Variants in KIAA0586 observed in about 807,000 individuals in gnomAD.
The protein encoded by KIAA0586 is protein TALPID3.
In KIAA0586, 144 loss-of-function variants were observed where a neutral mutation model predicts 169.8. That is an observed-to-expected ratio of 0.85 (90% CI 0.74 to 0.97). KIAA0586 has a LOEUF of 0.97. KIAA0586 is among the 50% of genes least tolerant of loss of function. KIAA0586 has a pLI of 0.00. For missense variants in KIAA0586, 1,854 were observed against 1,823.0 expected (o/e 1.02, Z -0.31); for synonymous variants, 625 against 612.4 (o/e 1.02, Z -0.30).
rs764052303 is a variant in KIAA0586, at chr14:58,448,304, T to C, written c.808-36T>C. 34 of 1,267,198 alleles carry C rather than the reference T, an allele frequency of 2.7e-5. 1 individual carries two copies. The East Asian group carries it at 6.7e-4, about 25-fold the overall frequency. The allele number at this position is 1,267,198 out of a possible 1,614,324, so 78.5% of individuals were successfully genotyped here. ...TTTATCATCTAACTCTTTCAAATGA[T>C]ATTTGAAAATAATAAAATAATCTTA... On this transcript the variant is annotated intron_variant, in intron 6 of 30. Transcript: ENST00000652326.
At chr14:58,514,505 A>G (rs1284155399) in intron 29 of KIAA0586, among the ~76,000 whole-genome samples, 2 of 152,052 alleles carry the variant, frequency 1.3e-5, no homozygotes, top group Admixed American at 1.3e-4. Context: ...GTAGTTTAAT[A>G]TATGTCTATA....
intron 16 of KIAA0586, among the ~76,000 whole-genome samples, 163 bp downstream of exon 16, chr14:58,468,085 G>A (rs1399837453): frequency 6.6e-6 from 1 of 151,546 alleles, no homozygotes; most frequent in Non-Finnish European, 1.5e-5. Flanking sequence ...TGCTCTTGTC[G>A]CCCAGTCTGG....
chr14:58,489,536 T>C (rs1183111864), intron 24 of KIAA0586, among the ~76,000 whole-genome samples: 1 of 152,142 alleles, frequency 6.6e-6, no homozygotes, highest in African/African-American at 2.4e-5. Flanking sequence ...CTGAATTTTT[T>C]TTTTTACCAA....
At chr14:58,545,334 G>T (rs1018445300) in intron 30 of KIAA0586, among the ~76,000 whole-genome samples, 2 of 152,182 alleles carry the variant, frequency 1.3e-5, no homozygotes, top group Admixed American at 1.3e-4. Context: ...ACTTCTAGGA[G>T]ATCCCTCCAC....
rs1366019378 is a variant in KIAA0586, at chr14:58,492,293, T to A, written c.3990+18T>A. ...ATTCAGAGGTACTTTTTAACTTTAA[T>A]GACTTTTTTTTGGTTAGATCTAAAT... On this transcript the variant is annotated intron_variant, in intron 26 of 30. Coordinates refer to ENST00000652326, the MANE Select transcript of KIAA0586 (RefSeq NM_001329943.3). The A allele has an allele frequency of 2.0e-6, 3 of 1,533,814 alleles. No individual in the cohort carries two copies. Among genetic ancestry groups the A allele is most frequent in the East Asian group, 2.5e-5 (1 of 40,770 alleles).
intron 4 of KIAA0586, among the ~76,000 whole-genome samples, chr14:58,433,551 C>T (rs1411201306): frequency 6.6e-6 from 1 of 152,116 alleles, no homozygotes; most frequent in Non-Finnish European, 1.5e-5. Context: ...TATATACTTC[C>T]TGTGTAATAC....
At chr14:58,458,016 C>T in intron 11 of KIAA0586, 37 bp downstream of exon 11, 2 of 1,310,740 alleles carry the variant, frequency 1.5e-6, no homozygotes, top group Non-Finnish European at 2.1e-6. Flanking sequence ...ATTTATGAGT[C>T]TGTCAGTTCC....
At chr14:58,521,000 A>G (rs930067921) in intron 29 of KIAA0586, 3 of 293,702 alleles carry the variant, frequency 1.0e-5, no homozygotes, top group Non-Finnish European at 1.9e-5. Context: ...AAAACAAAGC[A>G]TCTGCTCTCC....
chr14:58,499,705 C>A (rs1395251974), intron 27 of KIAA0586, among the ~76,000 whole-genome samples: 1 of 151,898 alleles, frequency 6.6e-6, no homozygotes, highest in Admixed American at 6.6e-5. Context: ...ATTACAGGCG[C>A]CTGCCACCAT....
intron 4 of KIAA0586, chr14:58,439,927 C>A: frequency 3.5e-6 from 2 of 570,312 alleles, no homozygotes; most frequent in Non-Finnish European, 4.5e-6. Flanking sequence ...TTCTTTGAGG[C>A]CAAATACCGA....
intron 15 of KIAA0586, among the ~76,000 whole-genome samples, chr14:58,466,415 A>G (rs995117414): frequency 6.6e-6 from 1 of 152,120 alleles, no homozygotes; most frequent in African/African-American, 2.4e-5. Flanking sequence ...TTGGTATGTT[A>G]TATTATTGTA....
At chr14:58,479,684 GAGTTA>G (rs762889987) in intron 20 of KIAA0586, among the ~76,000 whole-genome samples, 1 of 152,112 alleles carries the variant, frequency 6.6e-6, no homozygotes, top group Non-Finnish European at 1.5e-5. Flanking sequence ...AGTATATTTT[GAGTTA>G]AGTTTTATGG....
In KIAA0586 at chr14:58,480,346, T is replaced by TA. The variant is rs35326005; in HGVS notation, c.2945-2149dup. On this transcript the variant is annotated intron_variant, in intron 20 of 30. Transcript: ENST00000652326. Reference sequence around the variant, plus strand: ...TTCATTCTGTTAATTCTTCCTCTTTTAAAAAAAAAAAAAAAAAACTTCTTT... The same window carrying TA: ...TTCATTCTGTTAATTCTTCCTCTTTTAAAAAAAAAAAAAAAAAAACTTCTTT... 3.5e-3 allele frequency among the ~76,000 whole-genome samples: 507 copies of TA among 146,304 alleles called. 5 individuals carry two copies. Among genetic ancestry groups the TA allele is most frequent in the African/African-American group, 0.012 (484 of 39,882 alleles).
intron 29 of KIAA0586, among the ~76,000 whole-genome samples, chr14:58,518,132 A>AGAG (rs777702632): frequency 1.3e-5 from 2 of 152,288 alleles, no homozygotes. Context: ...CATATTACTA[A>AGAG]GTTTATGACA....
At position 58,549,535 on chromosome 14, in the gene KIAA0586, A is replaced by G. The variant is rs2047152325; in HGVS notation, c.*1603A>G. 2.0e-5 allele frequency: 3 copies of G among 152,098 alleles called. No individual in the cohort carries two copies. The South Asian group carries it at 6.2e-4, about 32-fold the overall frequency. The allele number at this position is 152,098 out of a possible 1,614,324, so 9.4% of individuals were successfully genotyped here. On this transcript the variant is annotated 3_prime_UTR_variant, in exon 31 of 31. Transcript: ENST00000652326. ...CAGCCTTCCACATGCACTTCCTCAC[A>G]GCTTCTCTCAGGTATTTGGTTACTG...
downstream of KIAA0586, among the ~76,000 whole-genome samples, chr14:58,551,449 C>T (rs1001172532): frequency 6.6e-5 from 10 of 151,884 alleles, no homozygotes; most frequent in African/African-American, 1.2e-4. Context: ...TAGTGTATTA[C>T]CACCCCCAAT....
intron 26 of KIAA0586, among the ~76,000 whole-genome samples, chr14:58,493,867 T>C (rs1173228116): frequency 6.6e-6 from 1 of 151,050 alleles, no homozygotes; most frequent in Non-Finnish European, 1.5e-5. Flanking sequence ...CATGTGCGGG[T>C]GGAAAGGAGA....
intron 21 of KIAA0586, among the ~76,000 whole-genome samples, chr14:58,484,878 TTATATATATATTTATA>T (rs1354099553): frequency 5.9e-5 from 3 of 50,996 alleles, no homozygotes; most frequent in African/African-American, 2.4e-4. Flanking sequence ...TTTATATATA[TTATATATATATTTATA>T]TATATATATA....
At position 58,473,054 on chromosome 14, in the gene KIAA0586, A is replaced by G. The variant is rs372630951; in HGVS notation, c.2634+775A>G. Among the ~76,000 whole-genome samples, 4 of 150,878 alleles carry G rather than the reference A, an allele frequency of 2.7e-5. 1 individual carries two copies. ...TACTTGGTAATTGTTTATGCAATAT[A>G]CAAGCGAAAGAAATGGTTATAGAAG... On this transcript the variant is annotated intron_variant, in intron 18 of 30. Transcript: ENST00000652326.
Sources: gnomAD v4.1 joint callset for allele counts (sites outside exome capture counted in the v4.1 genomes callset) on GRCh38, gnomAD v4.1.1 for gene constraint, MANE v1.5 for transcripts, NCBI Gene and HGNC (gene_info 2026-07-23, HGNC 2026-07-21) for gene names.